The following SPAST variants were observed in gnomAD, a reference collection of about 807,000 sequenced individuals.
SPAST encodes spastin, also known as spastic paraplegia 4 (autosomal dominant; spastin).
In SPAST, 30 loss-of-function variants were observed where a neutral mutation model predicts 76.6. The ratio of observed to expected loss-of-function variants is 0.39; its 90% confidence interval spans 0.29 to 0.53. The LOEUF is 0.53. Ranked by LOEUF, SPAST falls within the 20% of genes least tolerant of loss-of-function variation. The pLI is 0.68. For synonymous variants in SPAST, 305 were observed against 281.0 expected (o/e 1.09, Z -0.86); for missense variants, 717 against 770.5 (o/e 0.93, Z 0.82).
chr2:32,086,387 G>A (rs1677475770), intron 1 of SPAST, among the ~76,000 whole-genome samples: 1 of 151,856 alleles, frequency 6.6e-6, no homozygotes, highest in Non-Finnish European at 1.5e-5. Context: ...GATCACTTGA[G>A]CCCAGGAGTT....
chr2:32,130,490 TG>T (rs1407770465), intron 9 of SPAST: 1 of 152,008 alleles, frequency 6.6e-6, no homozygotes, highest in African/African-American at 2.4e-5. Context: ...AAGCCAAGGC[TG>T]GCAGATCACC....
At chr2:32,109,377 G>C (rs1678445879) in intron 4 of SPAST, among the ~76,000 whole-genome samples, 1 of 152,052 alleles carries the variant, frequency 6.6e-6, no homozygotes. Flanking sequence ...TCAAAGTGCT[G>C]GGATTACAGG....
In SPAST at chr2:32,142,894, G is replaced by T. The variant is rs1040146919; in HGVS notation, c.1537-442G>T. Reference sequence around the variant, plus strand: ...ACAATGGGTGAAATTCATAGTAGATGAATTCATACCTCTATAAAACTGGTT... The same window carrying T: ...ACAATGGGTGAAATTCATAGTAGATTAATTCATACCTCTATAAAACTGGTT... On this transcript the variant is annotated intron_variant, in intron 13 of 16. Coordinates refer to ENST00000315285, the MANE Select transcript of SPAST (RefSeq NM_014946.4). Among the ~76,000 whole-genome samples, 7 of 152,154 alleles carry T rather than the reference G, an allele frequency of 4.6e-5. No individual in the cohort carries two copies. In the South Asian group the frequency reaches 8.3e-4, roughly 18 times the overall value.
At chr2:32,096,572 G>A (rs1233057549) in intron 3 of SPAST, among the ~76,000 whole-genome samples, 1 of 152,178 alleles carries the variant, frequency 6.6e-6, no homozygotes, top group Non-Finnish European at 1.5e-5. Context: ...TACACTGTAT[G>A]TGTCTGTTTC....
At chr2:32,067,016 A>G (rs1397389400) in intron 1 of SPAST, among the ~76,000 whole-genome samples, 1 of 149,802 alleles carries the variant, frequency 6.7e-6, no homozygotes, top group East Asian at 2.0e-4. Flanking sequence ...AACTGTTTTA[A>G]TTGTTTTATT....
chr2:32,110,050 G>A (rs535438291), intron 4 of SPAST, among the ~76,000 whole-genome samples: 115 of 146,124 alleles, frequency 7.9e-4, no homozygotes, highest in Admixed American at 2.8e-3. Flanking sequence ...TAAACTATAT[G>A]TATACAGTTA....
Position 32,116,218 on chromosome 2 carries a change from A to C in SPAST, c.1098+6A>C, listed in dbSNP as rs1453673140. The C allele has an allele frequency of 6.3e-7, 1 of 1,582,120 alleles. No individual in the cohort carries two copies. The highest frequency in any genetic ancestry group is 1.7e-4 in the Middle Eastern group (1 of 5,942). On this transcript the variant is annotated splice_donor_region_variant and intron_variant, in intron 7 of 16. Coordinates refer to ENST00000315285, the MANE Select transcript of SPAST (RefSeq NM_014946.4). Reference sequence around the variant, plus strand: ...TTCCTTCTCTGAGGCCTGAGGTAAGAACTTTATATTATCATTTTTCTATAA... The same window carrying C: ...TTCCTTCTCTGAGGCCTGAGGTAAGCACTTTATATTATCATTTTTCTATAA...
chr2:32,118,056 T>C (rs1200443647), intron 7 of SPAST, among the ~76,000 whole-genome samples: 1 of 152,182 alleles, frequency 6.6e-6, no homozygotes, highest in Non-Finnish European at 1.5e-5. Context: ...GTTCCAATAA[T>C]ATTGCAAAAA....
intron 7 of SPAST, among the ~76,000 whole-genome samples, chr2:32,120,080 G>C (rs1336569309): frequency 6.6e-6 from 1 of 151,240 alleles, no homozygotes; most frequent in Non-Finnish European, 1.5e-5. Context: ...GTGGCCTTAG[G>C]CTTAAGTGAT....
Position 32,115,094 on chromosome 2 carries a change from A to G in SPAST, c.870+269A>G, listed in dbSNP as rs768972257. Among the ~76,000 whole-genome samples, 10 of 151,726 alleles carry G rather than the reference A, an allele frequency of 6.6e-5. 1 individual carries two copies. The highest frequency in any genetic ancestry group is 1.2e-4 in the Non-Finnish European group (8 of 67,938). ...CTCCCAAGTAGCTGGGATTACAGGCATGCACCACCACGTCGAGCTAATTTT... is the reference window on the plus strand; with the variant it reads ...CTCCCAAGTAGCTGGGATTACAGGCGTGCACCACCACGTCGAGCTAATTTT... On this transcript the variant is annotated intron_variant, in intron 5 of 16. Coordinates refer to ENST00000315285, the MANE Select transcript of SPAST (RefSeq NM_014946.4).
chr2:32,127,086 A>G (rs1679220300), intron 8 of SPAST, 64 bp downstream of exon 8: 2 of 1,080,990 alleles, frequency 1.9e-6, no homozygotes, highest in Admixed American at 1.7e-5. Context: ...AAAAAAAGAA[A>G]CTTTATCTTG....
chr2:32,144,928 C>A lies in SPAST; in HGVS notation c.1617-9C>A. 2 of 1,607,700 alleles carry A rather than the reference C, an allele frequency of 1.2e-6. No homozygotes were observed. The highest frequency in any genetic ancestry group is 2.2e-5 in the South Asian group (2 of 90,362). ...AAATAATTTGCTGTTTCTTCCTTCC[C>A]TTCCTCAGAATGACTGATGGATACT... On this transcript the variant is annotated splice_polypyrimidine_tract_variant and intron_variant, in intron 14 of 16. Coordinates refer to ENST00000315285, the MANE Select transcript of SPAST (RefSeq NM_014946.4).
rs993788078 is a variant in SPAST at position 32,128,288 on chromosome 2, C to A, written c.1174-120C>A. 5.7e-5 allele frequency: 44 copies of A among 766,368 alleles called. No individual in the cohort carries two copies. The African/African-American group carries it at 7.2e-4, about 13-fold the overall frequency. 47.5% of individuals were successfully genotyped at this position (766,368 alleles called of 1,614,324 possible). On this transcript the variant is annotated intron_variant, in intron 8 of 16. Coordinates refer to ENST00000315285, the MANE Select transcript of SPAST (RefSeq NM_014946.4). ...GGGATTACAGGCATGAGCCACCACACCTGGCCTCATAGCTTACATTTTTAG... is the reference window on the plus strand; with the variant it reads ...GGGATTACAGGCATGAGCCACCACAACTGGCCTCATAGCTTACATTTTTAG...
At chr2:32,101,174 C>G (rs1678107301) in intron 4 of SPAST, among the ~76,000 whole-genome samples, 1 of 152,272 alleles carries the variant, frequency 6.6e-6, no homozygotes, top group Middle Eastern at 3.4e-3. Context: ...GAGACGGTAT[C>G]TCATTGTGGT....
chr2:32,106,109 C>A (rs139864286), intron 4 of SPAST, among the ~76,000 whole-genome samples: 62 of 152,272 alleles, frequency 4.1e-4, no homozygotes, highest in African/African-American at 1.4e-3. Context: ...TGGACTCCAC[C>A]CAGTTCAAGC....
intron 16 of SPAST, among the ~76,000 whole-genome samples, chr2:32,150,409 A>C (rs1007838467): frequency 7.3e-5 from 11 of 150,760 alleles, no homozygotes; most frequent in African/African-American, 2.7e-4. Flanking sequence ...TTAGTTTTCT[A>C]ACTTATTTAA....
chr2:32,112,477 A>T (rs1678653411), intron 4 of SPAST, among the ~76,000 whole-genome samples: 1 of 151,106 alleles, frequency 6.6e-6, no homozygotes, highest in Non-Finnish European at 1.5e-5. Flanking sequence ...CCTCCTGAGT[A>T]GCTGAGATTA....
chr2:32,082,349 C>A (rs1010800525), intron 1 of SPAST, among the ~76,000 whole-genome samples: 1 of 151,908 alleles, frequency 6.6e-6, no homozygotes, highest in Non-Finnish European at 1.5e-5. Context: ...ATGTTATAAT[C>A]CAAGCCCAAA....
At chr2:32,093,236 G>A (rs1203741162) in intron 3 of SPAST, among the ~76,000 whole-genome samples, 1 of 149,504 alleles carries the variant, frequency 6.7e-6, no homozygotes, top group Admixed American at 6.7e-5. Flanking sequence ...GCGTGAACCC[G>A]GGAGGCGGAG....
Sources: allele counts gnomAD v4.1 joint callset (sites outside exome capture counted in the v4.1 genomes callset), GRCh38; gene constraint gnomAD v4.1.1; transcripts MANE v1.5; gene names NCBI Gene and HGNC (gene_info 2026-07-23, HGNC 2026-07-21).